Variants in SGCD observed in about 807,000 individuals in gnomAD.
The protein encoded by SGCD is sarcoglycan delta.
A neutral mutation model predicts 36.6 loss-of-function variants in SGCD; 18 were observed. That is an observed-to-expected ratio of 0.49 (90% CI 0.34 to 0.73). SGCD has a LOEUF of 0.73. Ranked by LOEUF, SGCD falls within the 30% of genes least tolerant of loss-of-function variation. The pLI is 0.01. For synonymous variants in SGCD, 133 were observed against 130.6 expected (o/e 1.02, Z -0.12); for missense variants, 387 against 346.7 (o/e 1.12, Z -0.92).
At chr5:156,232,849 C>G (rs1312639297) in intron 3 of SGCD, among the ~76,000 whole-genome samples, 1 of 152,122 alleles carries the variant, frequency 6.6e-6, no homozygotes, top group African/African-American at 2.4e-5. Flanking sequence ...CCTACTTCCC[C>G]AGTGTTTTAA....
chr5:156,214,848 A>G (rs985370534), intron 3 of SGCD, among the ~76,000 whole-genome samples: 1 of 152,104 alleles, frequency 6.6e-6, no homozygotes, highest in African/African-American at 2.4e-5. Flanking sequence ...CAATGGGGAA[A>G]AGACAGTATC....
At chr5:155,757,769 G>T in the SGCD span, among the ~76,000 whole-genome samples, 7 of 152,118 alleles carry the variant, frequency 4.6e-5, no homozygotes, top group Non-Finnish European at 1.0e-4. Flanking sequence ...TCCTTGATAT[G>T]GTTTGGCTGT....
intron 2 of SGCD, among the ~76,000 whole-genome samples, chr5:156,339,843 A>C (rs535309762): frequency 6.6e-6 from 1 of 152,364 alleles, no homozygotes; most frequent in East Asian, 1.9e-4. Context: ...AGATGACATC[A>C]CAAAATCAGG....
chr5:156,478,965 G>A (rs1755309015), intron 3 of SGCD, among the ~76,000 whole-genome samples: 1 of 152,144 alleles, frequency 6.6e-6, no homozygotes, highest in South Asian at 2.1e-4. Flanking sequence ...TCTTTCACCT[G>A]AGAGCCAAAT....
At chr5:156,693,317 A>G (rs1212597779) in intron 7 of SGCD, among the ~76,000 whole-genome samples, 1 of 152,152 alleles carries the variant, frequency 6.6e-6, no homozygotes, top group Admixed American at 6.6e-5. Flanking sequence ...TTTGTTTTTC[A>G]TTAATCATTT....
chr5:155,951,511 G>T (rs890808288), intron 1 of SGCD, among the ~76,000 whole-genome samples: 7 of 152,166 alleles, frequency 4.6e-5, no homozygotes, highest in African/African-American at 1.7e-4. Context: ...TATCCTAAAA[G>T]GGTAGGAAGG....
the SGCD span, among the ~76,000 whole-genome samples, chr5:155,751,010 A>T: frequency 0.27 from 41,687 of 151,904 alleles, 7,245 homozygotes; most frequent in East Asian, 0.42. Context: ...ATTGCTACAG[A>T]ACTCCTTAGG....
intron 3 of SGCD, among the ~76,000 whole-genome samples, chr5:156,136,280 T>G (rs1430402055): frequency 1.3e-5 from 2 of 152,162 alleles, no homozygotes; most frequent in Non-Finnish European, 2.9e-5. Flanking sequence ...ACCTGGCTAA[T>G]TTTTAATTTT....
At chr5:156,184,831 T>C (rs535507130) in intron 3 of SGCD, among the ~76,000 whole-genome samples, 4 of 152,292 alleles carry the variant, frequency 2.6e-5, no homozygotes, top group South Asian at 4.1e-4. Context: ...GAGCCAGTTA[T>C]ATCAAATATA....
chr5:155,818,419 A>G, the SGCD span, among the ~76,000 whole-genome samples: 1 of 152,160 alleles, frequency 6.6e-6, no homozygotes, highest in Non-Finnish European at 1.5e-5. Context: ...GACATGCCTC[A>G]GGTAAGAGGG....
intron 1 of SGCD, among the ~76,000 whole-genome samples, chr5:155,928,186 G>A (rs1757029577): frequency 6.6e-6 from 1 of 152,094 alleles, no homozygotes; most frequent in Admixed American, 6.6e-5. Flanking sequence ...CTTCCTAGGT[G>A]GCCCTCTTTA....
chr5:155,848,687 A>G, the SGCD span, among the ~76,000 whole-genome samples: 1 of 152,158 alleles, frequency 6.6e-6, no homozygotes, highest in Non-Finnish European at 1.5e-5. Flanking sequence ...AGCTATTGTT[A>G]TATAGCTTTC....
At chr5:155,944,998 A>G (rs1347146248) in intron 1 of SGCD, among the ~76,000 whole-genome samples, 1 of 152,206 alleles carries the variant, frequency 6.6e-6, no homozygotes, top group Non-Finnish European at 1.5e-5. Flanking sequence ...GAGTTTTTCT[A>G]GATACCAGTG....
At chr5:156,284,689 G>A (rs374915640) in intron 3 of SGCD, among the ~76,000 whole-genome samples, 1 of 152,036 alleles carries the variant, frequency 6.6e-6, no homozygotes, top group African/African-American at 2.4e-5. Context: ...TATAAGAGCT[G>A]TCTATGACAA....
chr5:155,961,746 G>C (rs1184661446), intron 1 of SGCD, among the ~76,000 whole-genome samples: 1 of 151,778 alleles, frequency 6.6e-6, no homozygotes, highest in African/African-American at 2.4e-5. Flanking sequence ...TTTTTGGTTT[G>C]CTACGGAATC....
the SGCD span, among the ~76,000 whole-genome samples, chr5:155,740,617 G>T: frequency 6.6e-6 from 1 of 152,132 alleles, no homozygotes; most frequent in Non-Finnish European, 1.5e-5. Context: ...GTACAGTATG[G>T]CTTGATGCTC....
chr5:156,472,809 G>A lies in SGCD; in HGVS notation c.193-35792G>A, dbSNP rs181711148. Among the ~76,000 whole-genome samples, 907 of 152,258 alleles carry A rather than the reference G, an allele frequency of 6.0e-3. 9 individuals are homozygous for A. Among genetic ancestry groups the A allele is most frequent in the African/African-American group, 0.02 (815 of 41,552 alleles). On this transcript the variant is annotated intron_variant, in intron 3 of 8. Transcript: ENST00000337851. The stretch of plus-strand genomic sequence containing the variant: ...ACATACTGTGTGATTCAATTTATAT[G>A]AATTTCAAGTACAGATAAAACTAAT...
At chr5:156,697,630 T>TTTG (rs1295726733) in intron 7 of SGCD, among the ~76,000 whole-genome samples, 1 of 152,192 alleles carries the variant, frequency 6.6e-6, no homozygotes, top group Non-Finnish European at 1.5e-5. Context: ...TCTCTGCCTG[T>TTTG]TTCACACTCT....
rs974175882 is a variant in SGCD at position 156,763,577 on chromosome 5, T to G, written c.*4187T>G. ...GGTGTAGAAGGAATGCAAAAAACTA[T>G]AACAACAACAACAAAAACATATTTT... On this transcript the variant is annotated 3_prime_UTR_variant, in exon 9 of 9. Coordinates refer to ENST00000337851, the MANE Select transcript of SGCD (RefSeq NM_000337.6). 3 of 152,204 alleles carry G rather than the reference T, an allele frequency of 2.0e-5. No individual in the cohort carries two copies. The highest frequency in any genetic ancestry group is 4.4e-5 in the Non-Finnish European group (3 of 68,022). The allele number at this position is 152,204 out of a possible 1,614,324, so 9.4% of individuals were successfully genotyped here.
Sources: gnomAD v4.1 joint callset for allele counts (sites outside exome capture counted in the v4.1 genomes callset) on GRCh38, gnomAD v4.1.1 for gene constraint, MANE v1.5 for transcripts, NCBI Gene and HGNC (gene_info 2026-07-23, HGNC 2026-07-21) for gene names.